RBMS3: variants seen among roughly 807,000 people sequenced by gnomAD.
RBMS3 encodes RNA binding motif single stranded interacting protein 3.
Under a neutral mutation model 66.8 loss-of-function variants are expected in RBMS3, and 27 were observed. The ratio of observed to expected loss-of-function variants is 0.40; its 90% CI spans 0.30 to 0.56. The LOEUF (loss-of-function observed/expected upper bound fraction) is 0.56, where lower values mean the gene tolerates loss of function less well. Among genes scored for constraint, RBMS3 ranks in the 20% least tolerant of loss-of-function variants. RBMS3 has a pLI of 0.40. For synonymous variants in RBMS3, 188 were observed against 183.0 expected (o/e 1.03, Z -0.22); for missense variants, 513 against 549.5 (o/e 0.93, Z 0.66).
intron 3 of RBMS3, among the ~76,000 whole-genome samples, chr3:29,514,802 T>C (rs2044558629): frequency 6.6e-6 from 1 of 150,812 alleles, no homozygotes; most frequent in Non-Finnish European, 1.5e-5. Flanking sequence ...GGCATATATA[T>C]GTATATATGA....
chr3:29,310,480 C>A (rs761364853), intron 1 of RBMS3, among the ~76,000 whole-genome samples: 40 of 150,902 alleles, frequency 2.7e-4, no homozygotes, highest in Non-Finnish European at 1.3e-4. Context: ...CTTAAATACA[C>A]TTGAATCTGA....
At chr3:29,863,685 A>C (rs1286522204) in intron 6 of RBMS3, among the ~76,000 whole-genome samples, 3 of 152,164 alleles carry the variant, frequency 2.0e-5, no homozygotes, top group African/African-American at 4.8e-5. Context: ...AGAAAATCTC[A>C]CCCTATGACT....
chr3:29,463,743 TC>T (rs1294213448), intron 2 of RBMS3, among the ~76,000 whole-genome samples: 2 of 151,858 alleles, frequency 1.3e-5, no homozygotes, highest in Non-Finnish European at 2.9e-5. Flanking sequence ...GGAGTGGACA[TC>T]CTCATTACTT....
intron 10 of RBMS3, among the ~76,000 whole-genome samples, chr3:29,906,040 T>C (rs940326619): frequency 2.6e-5 from 4 of 152,120 alleles, no homozygotes; most frequent in African/African-American, 9.7e-5. Flanking sequence ...ATATGACATA[T>C]TTACAACATT....
chr3:29,304,287 A>G (rs1268213852), intron 1 of RBMS3, among the ~76,000 whole-genome samples: 5 of 152,014 alleles, frequency 3.3e-5, no homozygotes, highest in Non-Finnish European at 7.4e-5. Flanking sequence ...TGCCCAGTGG[A>G]TGGTACTTTG....
intron 6 of RBMS3, among the ~76,000 whole-genome samples, chr3:29,833,456 C>T (rs948579004): frequency 2.6e-5 from 4 of 151,762 alleles, no homozygotes; most frequent in Non-Finnish European, 4.4e-5. Flanking sequence ...AAAAAATACA[C>T]GAGCAAAATA....
chr3:29,472,953 G>C (rs1406737874), intron 2 of RBMS3, among the ~76,000 whole-genome samples: 10 of 129,738 alleles, frequency 7.7e-5, no homozygotes, highest in Non-Finnish European at 1.5e-4. Flanking sequence ...GGTCTGTTTT[G>C]ACAGGGCGCT....
At chr3:29,638,366 A>C (rs1333282813) in intron 4 of RBMS3, among the ~76,000 whole-genome samples, 2 of 151,814 alleles carry the variant, frequency 1.3e-5, no homozygotes, top group African/African-American at 4.8e-5. Context: ...CCTATCTTAC[A>C]GTATATGATG....
chr3:29,673,913 A>G (rs900848209), intron 4 of RBMS3, among the ~76,000 whole-genome samples: 2 of 152,220 alleles, frequency 1.3e-5, no homozygotes, highest in African/African-American at 4.8e-5. Flanking sequence ...TGAGGCCTGC[A>G]TCATCCTGAT....
At chr3:29,573,074 A>G (rs994248351) in intron 3 of RBMS3, among the ~76,000 whole-genome samples, 1 of 152,110 alleles carries the variant, frequency 6.6e-6, no homozygotes, top group Admixed American at 6.5e-5. Context: ...GTAGCCATTA[A>G]TGATCCTTTA....
At chr3:29,794,277 C>A (rs7650399) in intron 6 of RBMS3, among the ~76,000 whole-genome samples, 47,619 of 151,984 alleles carry the variant, frequency 0.31, 8,272 homozygotes, top group African/African-American at 0.46. Context: ...AGCTCTCTCC[C>A]CAGGGAAGCA....
chr3:29,739,744 C>G lies in RBMS3; in HGVS notation c.424C>G (p.Leu142Val). ...GCAACAAGAGCAAGACCCAACAAAC[C>G]TATACATCTCAAATCTCCCCATTTC... ...AKQQEQDPTN[L>V]YISNLPISMD... is the part of the protein sequence containing the mutation. Residue 142 changes from leucine to valine, a missense_variant, in exon 5 of 15, where the codon CTA becomes GTA. Coordinates refer to ENST00000383767, the MANE Select transcript of RBMS3 (RefSeq NM_001003793.3). 6.2e-7 allele frequency: 1 copy of G among 1,610,892 alleles called. No homozygotes were observed. Among genetic ancestry groups the G allele is most frequent in the South Asian group, 1.1e-5 (1 of 90,506 alleles).
chr3:29,419,790 A>G (rs1382622116), intron 1 of RBMS3, among the ~76,000 whole-genome samples: 1 of 152,224 alleles, frequency 6.6e-6, no homozygotes, highest in Non-Finnish European at 1.5e-5. Context: ...GTGTAAATTA[A>G]TATATAAATC....
chr3:29,911,462 G>A (rs922613075), intron 10 of RBMS3, among the ~76,000 whole-genome samples: 10 of 151,970 alleles, frequency 6.6e-5, no homozygotes, highest in East Asian at 1.9e-4. Flanking sequence ...CTAGAGTTCC[G>A]TTTGCATTTC....
At chr3:29,289,569 G>A (rs953260381) in intron 1 of RBMS3, among the ~76,000 whole-genome samples, 4 of 151,604 alleles carry the variant, frequency 2.6e-5, no homozygotes, top group African/African-American at 7.3e-5. Context: ...CATATAAAAA[G>A]GCTTAAAGAA....
intron 7 of RBMS3, among the ~76,000 whole-genome samples, chr3:29,881,567 C>G (rs1444586059): frequency 6.6e-6 from 1 of 152,174 alleles, no homozygotes; most frequent in Admixed American, 6.6e-5. Context: ...ATGATTTCCA[C>G]TGTACCCTAC....
chr3:29,703,770 G>T (rs1027638049), intron 4 of RBMS3, among the ~76,000 whole-genome samples: 14 of 152,208 alleles, frequency 9.2e-5, no homozygotes, highest in Admixed American at 2.0e-4. Flanking sequence ...TTAATCCAGG[G>T]ATCCCCAACC....
chr3:29,835,062 A>G (rs559030708), intron 6 of RBMS3, among the ~76,000 whole-genome samples: 1 of 152,204 alleles, frequency 6.6e-6, no homozygotes, highest in South Asian at 2.1e-4. Flanking sequence ...ATAATGGTAA[A>G]GTAGTCAATT....
chr3:29,905,568 T>C (rs1459936705), intron 10 of RBMS3, among the ~76,000 whole-genome samples: 3 of 152,070 alleles, frequency 2.0e-5, no homozygotes, highest in Admixed American at 6.6e-5. Flanking sequence ...TATCTTTGTA[T>C]CTGTTTTCCA....
Sources: allele counts gnomAD v4.1 joint callset (sites outside exome capture counted in the v4.1 genomes callset), GRCh38; gene constraint gnomAD v4.1.1; transcripts MANE v1.5; gene names NCBI Gene and HGNC (gene_info 2026-07-23, HGNC 2026-07-21).